The following FOXP2 variants were observed in gnomAD, a reference collection of about 807,000 sequenced individuals.
The protein encoded by FOXP2 is forkhead box P2.
Under a neutral mutation model 115.8 loss-of-function variants are expected in FOXP2, and 12 were observed. That is an observed-to-expected ratio of 0.10 (90% CI 0.07 to 0.17). The LOEUF is 0.17. Among genes scored for constraint, FOXP2 ranks in the 10% least tolerant of loss-of-function variants. The probability of loss-of-function intolerance (pLI) is 1.00; values close to 1 mark genes in which losing one functional copy is unlikely to be tolerated. For missense variants in FOXP2, 629 were observed against 843.5 expected (o/e 0.75, Z 3.15); for synonymous variants, 328 against 297.7 (o/e 1.10, Z -1.05).
chr7:114,483,044 T>C (rs2129238447), intron 2 of FOXP2, among the ~76,000 whole-genome samples: 1 of 151,804 alleles, frequency 6.6e-6, no homozygotes, highest in East Asian at 1.9e-4. Flanking sequence ...TTGCACTTCA[T>C]GGAGTAAATG....
intron 3 of FOXP2, among the ~76,000 whole-genome samples, chr7:114,602,549 G>C (rs187914633): frequency 6.6e-6 from 1 of 151,854 alleles, no homozygotes; most frequent in Admixed American, 6.6e-5. Flanking sequence ...GTTTTCTGTG[G>C]TTTATTATAC....
At chr7:114,321,175 C>CTTTATTTATTTATTTA (rs60714472) in intron 2 of FOXP2, among the ~76,000 whole-genome samples, 152 of 140,868 alleles carry the variant, frequency 1.1e-3, no homozygotes, top group Admixed American at 1.5e-3. Context: ...TATCTAGTAA[C>CTTTATTTATTTATTTA]TTTATTTATT....
At chr7:114,549,332 A>C (rs917268313) in intron 3 of FOXP2, among the ~76,000 whole-genome samples, 31 of 152,190 alleles carry the variant, frequency 2.0e-4, no homozygotes, top group African/African-American at 5.8e-4. Context: ...GTCCGATTAC[A>C]AGGTCTCTTT....
At chr7:114,342,376 A>T (rs1207082347) in intron 2 of FOXP2, among the ~76,000 whole-genome samples, 1 of 151,492 alleles carries the variant, frequency 6.6e-6, no homozygotes, top group Non-Finnish European at 1.5e-5. Context: ...CAATATAGTT[A>T]TAGTTCCAAG....
At chr7:114,268,024 T>G (rs1480526263) in intron 1 of FOXP2, among the ~76,000 whole-genome samples, 3 of 152,142 alleles carry the variant, frequency 2.0e-5, no homozygotes, top group Non-Finnish European at 4.4e-5. Flanking sequence ...ATTTGACTAC[T>G]CTATGTATTT....
intron 2 of FOXP2, among the ~76,000 whole-genome samples, chr7:114,333,641 C>T (rs1562875292): frequency 1.3e-5 from 2 of 152,112 alleles, no homozygotes; most frequent in Non-Finnish European, 2.9e-5. Context: ...GAGTGCAGCA[C>T]GTTGGAAGGC....
chr7:114,410,446 G>A (rs1009610227), upstream of FOXP2, among the ~76,000 whole-genome samples: 1 of 152,020 alleles, frequency 6.6e-6, no homozygotes, highest in African/African-American at 2.4e-5. Flanking sequence ...TTAAAATATG[G>A]GAGTCCCACT....
At chr7:114,672,990 A>G (rs1807574762) in intron 16 of FOXP2, among the ~76,000 whole-genome samples, 1 of 152,248 alleles carries the variant, frequency 6.6e-6, no homozygotes, top group East Asian at 1.9e-4. Flanking sequence ...TCAAGGAGCC[A>G]GAATGCAAGT....
chr7:114,090,715 A>G (rs555358320), intron 1 of FOXP2, among the ~76,000 whole-genome samples: 16 of 151,830 alleles, frequency 1.1e-4, no homozygotes, highest in Admixed American at 2.0e-4. Context: ...TGAAATAAAC[A>G]TTTTCTTAGG....
At position 114,221,898 on chromosome 7, in the gene FOXP2, TCTC is replaced by T. The variant is rs201530456; in HGVS notation, c.-102+58813_-102+58815del. ...TTGTTGAGTTCATTCTTCATGCTCT[TCTC>T]CTAAGCCCTCCCCCAATTCTATTCC... On this transcript the variant is annotated intron_variant, in intron 1 of 17. Coordinates refer to the FOXP2 transcript ENST00000634411. 2.0e-3 allele frequency among the ~76,000 whole-genome samples: 311 copies of T among 152,054 alleles called. 4 individuals carry two copies. The East Asian group carries it at 0.033, about 16-fold the overall frequency.
chr7:114,555,180 G>C (rs778436832), intron 3 of FOXP2, among the ~76,000 whole-genome samples: 1 of 152,068 alleles, frequency 6.6e-6, no homozygotes, highest in African/African-American at 2.4e-5. Context: ...TGTGTACCTG[G>C]TAATGTATTT....
intron 2 of FOXP2, among the ~76,000 whole-genome samples, chr7:114,340,880 T>G (rs1033493516): frequency 2.0e-5 from 3 of 151,146 alleles, no homozygotes; most frequent in African/African-American, 7.3e-5. Context: ...TTGGATGGAT[T>G]ATCTTAATGG....
At position 114,659,167 on chromosome 7, in the gene FOXP2, G is replaced by A. The variant is rs912480902; in HGVS notation, c.1469-189G>A. ...GAAGTACCACGAACAACTAGGGGAT[G>A]CTTCATTTGCACTTCGCGTCAGAAA... On this transcript the variant is annotated intron_variant, in intron 11 of 16. Coordinates refer to ENST00000350908, the MANE Select transcript of FOXP2 (RefSeq NM_014491.4). Among the ~76,000 whole-genome samples the A allele has an allele frequency of 5.3e-5, 8 of 152,176 alleles. No homozygotes were observed. In the East Asian group the frequency reaches 1.5e-3, roughly 29 times the overall value.
chr7:114,294,335 T>C (rs1489176752), intron 2 of FOXP2, among the ~76,000 whole-genome samples: 4 of 152,316 alleles, frequency 2.6e-5, no homozygotes, highest in Admixed American at 2.0e-4. Flanking sequence ...GTATCTCTTC[T>C]ACTAATCTAT....
chr7:114,558,789 C>G (rs897022244), intron 3 of FOXP2, among the ~76,000 whole-genome samples: 1 of 152,076 alleles, frequency 6.6e-6, no homozygotes, highest in Non-Finnish European at 1.5e-5. Context: ...TAGTATAATA[C>G]TTAATATGAA....
At chr7:114,498,541 T>C (rs1156945637) in intron 2 of FOXP2, among the ~76,000 whole-genome samples, 1 of 152,134 alleles carries the variant, frequency 6.6e-6, no homozygotes, top group Non-Finnish European at 1.5e-5. Flanking sequence ...TAAGGTCAGA[T>C]TGAGGAACAA....
In FOXP2 at chr7:114,170,197, A is replaced by G. The variant is rs144540816; in HGVS notation, c.-102+7109A>G. ...GCTGTGATCGGTAATCATTGATGTT[A>G]CTATTATAATTGTTTGGGGCCCAGA... is the stretch of plus-strand genomic sequence containing the variant. On this transcript the variant is annotated intron_variant, in intron 1 of 17. Transcript: ENST00000634411. Among the ~76,000 whole-genome samples the G allele has an allele frequency of 2.6e-3, 395 of 152,280 alleles. 2 individuals are homozygous for G. The highest frequency in any genetic ancestry group is 9.1e-3 in the African/African-American group (377 of 41,572).
intron 2 of FOXP2, among the ~76,000 whole-genome samples, chr7:114,325,490 A>G (rs776494168): frequency 7.9e-5 from 12 of 152,016 alleles, no homozygotes; most frequent in Non-Finnish European, 1.5e-4. Flanking sequence ...ACAAATAATC[A>G]TGACTGATAA....
At chr7:114,310,064 C>G (rs1181542382) in intron 2 of FOXP2, among the ~76,000 whole-genome samples, 1 of 152,116 alleles carries the variant, frequency 6.6e-6, no homozygotes, top group African/African-American at 2.4e-5. Context: ...TGTGACAAAG[C>G]TCATAAAGTG....
Sources: gnomAD v4.1 joint callset for allele counts (sites outside exome capture counted in the v4.1 genomes callset) on GRCh38, gnomAD v4.1.1 for gene constraint, MANE v1.5 for transcripts, NCBI Gene and HGNC (gene_info 2026-07-23, HGNC 2026-07-21) for gene names.